The following PTPRD variants were observed in gnomAD, a reference collection of about 807,000 sequenced individuals.
PTPRD encodes protein tyrosine phosphatase receptor type D, also known as receptor-type tyrosine-protein phosphatase delta.
In PTPRD, 34 loss-of-function variants were observed where a neutral mutation model predicts 214.5. The ratio of observed to expected loss-of-function variants is 0.16; its 90% confidence interval spans 0.12 to 0.21. The LOEUF (loss-of-function observed/expected upper bound fraction) is 0.21. Ranked by LOEUF, PTPRD falls within the 10% of genes least tolerant of loss-of-function variation. PTPRD has a pLI of 1.00. For synonymous variants in PTPRD, 1,128 were observed against 845.7 expected, an observed-to-expected ratio of 1.33 and a Z score of -5.79; for missense variants, 2,545 against 2,398.7, an observed-to-expected ratio of 1.06 and a Z score of -1.27.
At chr9:10,213,533 C>A (rs2099526562) in intron 3 of PTPRD, among the ~76,000 whole-genome samples, 1 of 152,096 alleles carries the variant, frequency 6.6e-6, no homozygotes, top group South Asian at 2.1e-4. Flanking sequence ...TGAGGAAATC[C>A]ACCTGCTAAG....
Position 10,272,757 on chromosome 9 carries a change from C to G in PTPRD, c.-545+68206G>C, listed in dbSNP as rs141062527. 4.7e-3 allele frequency among the ~76,000 whole-genome samples: 715 copies of G among 152,294 alleles called. 6 individuals carry two copies. The highest frequency in any genetic ancestry group is 0.016 in the African/African-American group (673 of 41,556). On this transcript the variant is annotated intron_variant, in intron 3 of 45. Transcript: ENST00000381196. ...CTGTTTAGGGAGTCAGTAAATTAAG[C>G]TGTATTCAACTTGACATTTTTCTAT...
chr9:8,437,492 C>T (rs772283758), intron 34 of PTPRD, among the ~76,000 whole-genome samples: 3 of 152,108 alleles, frequency 2.0e-5, no homozygotes, highest in Non-Finnish European at 4.4e-5. Context: ...GACTCACTGA[C>T]GATAATCACT....
intron 24 of PTPRD, among the ~76,000 whole-genome samples, 196 bp downstream of exon 24, chr9:8,500,558 G>GGAAA (rs2097373754): frequency 1.8e-3 from 26 of 14,314 alleles, no homozygotes; most frequent in Admixed American, 3.3e-3. Flanking sequence ...TGAAAAAAAT[G>GGAAA]AAAAAAAAAA....
intron 11 of PTPRD, among the ~76,000 whole-genome samples, chr9:8,789,731 G>A (rs1233661883): frequency 1.3e-5 from 2 of 152,054 alleles, no homozygotes; most frequent in Non-Finnish European, 2.9e-5. Flanking sequence ...AACCAGAATA[G>A]CAGAGAATTA....
At chr9:8,753,723 A>G (rs2093732292) in intron 11 of PTPRD, among the ~76,000 whole-genome samples, 1 of 152,238 alleles carries the variant, frequency 6.6e-6, no homozygotes, top group Non-Finnish European at 1.5e-5. Context: ...GCAGCATCAA[A>G]AATATAAAAC....
chr9:10,257,388 G>C (rs1450538699), intron 3 of PTPRD, among the ~76,000 whole-genome samples: 2 of 152,156 alleles, frequency 1.3e-5, no homozygotes, highest in Non-Finnish European at 2.9e-5. Flanking sequence ...CAGGGGCTAT[G>C]GCAAACCAGG....
chr9:10,205,464 G>A (rs924572841), intron 3 of PTPRD, among the ~76,000 whole-genome samples: 5 of 151,640 alleles, frequency 3.3e-5, no homozygotes, highest in Non-Finnish European at 5.9e-5. Context: ...GGAGTGCAGT[G>A]GCCTGATCTT....
At chr9:9,408,421 A>G (rs547926170) in intron 8 of PTPRD, among the ~76,000 whole-genome samples, 1 of 151,942 alleles carries the variant, frequency 6.6e-6, no homozygotes, top group Non-Finnish European at 1.5e-5. Flanking sequence ...TGTATGTGCC[A>G]TGTTTACAAA....
At chr9:9,948,181 C>A (rs1243282502) in intron 4 of PTPRD, among the ~76,000 whole-genome samples, 1 of 152,054 alleles carries the variant, frequency 6.6e-6, no homozygotes, top group East Asian at 1.9e-4. Context: ...TTCAAAGTCA[C>A]CTTCCTTGTG....
At chr9:9,847,674 C>T (rs2059795386) in intron 5 of PTPRD, among the ~76,000 whole-genome samples, 1 of 152,098 alleles carries the variant, frequency 6.6e-6, no homozygotes, top group African/African-American at 2.4e-5. Flanking sequence ...GCTTTCCAGG[C>T]AGGGCCAAGT....
chr9:9,252,728 ACCT>A (rs1166382214), intron 9 of PTPRD, among the ~76,000 whole-genome samples: 3 of 151,914 alleles, frequency 2.0e-5, no homozygotes, highest in Admixed American at 6.6e-5. Flanking sequence ...CGATGCAGTC[ACCT>A]CCACCTTCCA....
At chr9:9,523,504 T>C (rs1335470923) in intron 8 of PTPRD, among the ~76,000 whole-genome samples, 1 of 151,810 alleles carries the variant, frequency 6.6e-6, no homozygotes, top group Non-Finnish European at 1.5e-5. Context: ...TGACACAACA[T>C]ATTTATCTAA....
intron 8 of PTPRD, among the ~76,000 whole-genome samples, chr9:9,524,430 T>A (rs533676695): frequency 5.9e-5 from 9 of 152,332 alleles, no homozygotes; most frequent in African/African-American, 1.9e-4. Context: ...TCCTAAAGAT[T>A]TATTGCTTAA....
At chr9:10,522,196 T>C (rs1210397293) in intron 2 of PTPRD, among the ~76,000 whole-genome samples, 2 of 152,160 alleles carry the variant, frequency 1.3e-5, no homozygotes, top group Non-Finnish European at 2.9e-5. Context: ...ATTGAAGGAA[T>C]TGTGCCTTTA....
In PTPRD at chr9:10,397,893, C is replaced by T. The variant is rs1001799542; in HGVS notation, c.-599-56876G>A. 4.9e-4 allele frequency among the ~76,000 whole-genome samples: 75 copies of T among 151,862 alleles called. 1 individual carries two copies. The highest frequency in any genetic ancestry group is 1.0e-3 in the Non-Finnish European group (68 of 67,956). ...ACACTCCACGATGTTTGCACAATAA[C>T]CAAATCATTTAACCATGCATTTCTC... On this transcript the variant is annotated intron_variant, in intron 2 of 45. Coordinates refer to ENST00000381196, the MANE Select transcript of PTPRD (RefSeq NM_002839.4).
intron 43 of PTPRD, among the ~76,000 whole-genome samples, chr9:8,331,940 ATTTACTCTTGAAATCCTAAATTTATT>A (rs1257506951): frequency 1.9e-4 from 7 of 37,206 alleles, no homozygotes; most frequent in African/African-American, 1.3e-3. Flanking sequence ...TCCTAAATTT[ATTTACTCTTGAAATCCTAAATTTATT>A]TACTCTTGCA....
At chr9:9,073,455 G>A (rs1210210494) in intron 10 of PTPRD, among the ~76,000 whole-genome samples, 1 of 151,548 alleles carries the variant, frequency 6.6e-6, no homozygotes, top group Non-Finnish European at 1.5e-5. Context: ...TTGTGTAGAT[G>A]TTACTCTAAG....
At chr9:9,389,026 T>C (rs2064891470) in intron 9 of PTPRD, among the ~76,000 whole-genome samples, 1 of 152,178 alleles carries the variant, frequency 6.6e-6, no homozygotes, top group Non-Finnish European at 1.5e-5. Context: ...GGATTGTCTC[T>C]GACTTTGGGC....
intron 9 of PTPRD, among the ~76,000 whole-genome samples, chr9:9,244,948 C>A (rs12235603): frequency 0.23 from 34,675 of 151,964 alleles, 4,355 homozygotes; most frequent in East Asian, 0.34. Flanking sequence ...AAGAAAAAAG[C>A]AAACAACCCC....
Sources: allele counts gnomAD v4.1 joint callset (sites outside exome capture counted in the v4.1 genomes callset), GRCh38; gene constraint gnomAD v4.1.1; transcripts MANE v1.5; gene names NCBI Gene and HGNC (gene_info 2026-07-23, HGNC 2026-07-21).